Variants in PCSK5 observed in about 807,000 individuals in gnomAD.
The protein encoded by PCSK5 is proprotein convertase subtilisin/kexin type 5.
A neutral mutation model predicts 233.2 loss-of-function variants in PCSK5; 129 were observed. The observed-to-expected ratio is 0.55, with a 90% CI of 0.48 to 0.64. The LOEUF (loss-of-function observed/expected upper bound fraction) is 0.64, where lower values mean the gene tolerates loss of function less well. Ranked by LOEUF, PCSK5 falls within the 30% of genes least tolerant of loss-of-function variation. PCSK5 has a pLI of 0.00. For synonymous variants in PCSK5, 825 were observed against 879.2 expected, an observed-to-expected ratio of 0.94 and a Z score of 1.09; for missense variants, 2,076 against 2,430.1, an observed-to-expected ratio of 0.85 and a Z score of 3.06.
chr9:76,341,988 A>C (rs1470349619), intron 35 of PCSK5, among the ~76,000 whole-genome samples: 1 of 152,220 alleles, frequency 6.6e-6, no homozygotes, highest in Non-Finnish European at 1.5e-5. Context: ...GTGAGCTCAC[A>C]GTCACCATTG....
intron 1 of PCSK5, among the ~76,000 whole-genome samples, chr9:75,925,919 C>G (rs570714536): frequency 1.2e-4 from 19 of 152,310 alleles, no homozygotes; most frequent in Admixed American, 5.9e-4. Context: ...GCCTCTGTAA[C>G]TTTCTGTCTA....
At chr9:75,958,506 G>A (rs548981654) in intron 2 of PCSK5, among the ~76,000 whole-genome samples, 4 of 152,334 alleles carry the variant, frequency 2.6e-5, no homozygotes, top group Admixed American at 1.3e-4. Context: ...GTAGCTTGGA[G>A]GCAGCTTGGT....
chr9:76,143,394 G>A (rs10869709), intron 10 of PCSK5, among the ~76,000 whole-genome samples: 49,530 of 151,964 alleles, frequency 0.33, 8,572 homozygotes, highest in African/African-American at 0.42. Flanking sequence ...GAGCCGCTGC[G>A]GTGATTGAGA....
At position 76,327,410 on chromosome 9, in the gene PCSK5, G is replaced by A. The variant is rs555499931; in HGVS notation, c.4340-599G>A. Among the ~76,000 whole-genome samples, 16 of 152,170 alleles carry A rather than the reference G, an allele frequency of 1.1e-4. No homozygotes were observed. The South Asian group carries it at 1.5e-3, about 14-fold the overall frequency. ...GCGTAAGCCACTGCACCCAGCCCCC[G>A]TCTCTAGTTAAATACAGAAAAAGAA... On this transcript the variant is annotated intron_variant, in intron 32 of 37. Coordinates refer to ENST00000674117, the MANE Select transcript of PCSK5 (RefSeq NM_001372043.1).
At chr9:76,021,997 C>G (rs1828213688) in intron 3 of PCSK5, among the ~76,000 whole-genome samples, 1 of 152,226 alleles carries the variant, frequency 6.6e-6, no homozygotes, top group African/African-American at 2.4e-5. Context: ...TTTGCATTTG[C>G]TGTGTCCTCT....
At chr9:76,091,132 A>T (rs1199034981) in intron 7 of PCSK5, among the ~76,000 whole-genome samples, 3 of 152,168 alleles carry the variant, frequency 2.0e-5, no homozygotes, top group Non-Finnish European at 2.9e-5. Context: ...CTAACAAGCC[A>T]CGGATCAATT....
chr9:76,123,103 C>CA (rs924680809), intron 9 of PCSK5, among the ~76,000 whole-genome samples: 3 of 152,102 alleles, frequency 2.0e-5, no homozygotes, highest in African/African-American at 7.2e-5. Context: ...CATGGCCTCT[C>CA]AAAGTGCTGG....
intron 7 of PCSK5, among the ~76,000 whole-genome samples, chr9:76,093,601 G>A (rs1831390264): frequency 1.3e-5 from 2 of 148,276 alleles, no homozygotes; most frequent in African/African-American, 5.2e-5. Flanking sequence ...ACACACACAC[G>A]TGCTTGTACC....
At chr9:76,327,874 C>T (rs1167731531) in intron 32 of PCSK5, 135 bp from the exon 33 acceptor site, 7 of 705,482 alleles carry the variant, frequency 9.9e-6, no homozygotes, top group South Asian at 8.0e-5. Context: ...TGGCCCCACA[C>T]CATTGGCCCA....
intron 5 of PCSK5, among the ~76,000 whole-genome samples, chr9:76,060,036 C>T (rs931607322): frequency 1.3e-5 from 2 of 152,138 alleles, no homozygotes; most frequent in African/African-American, 4.8e-5. Flanking sequence ...GGTCTTTTCA[C>T]ATTTGTAGAA....
At chr9:76,157,974 T>C (rs1358611325) in intron 11 of PCSK5, among the ~76,000 whole-genome samples, 1 of 152,158 alleles carries the variant, frequency 6.6e-6, no homozygotes, top group Admixed American at 6.5e-5. Context: ...ATTTGAAAAA[T>C]GTGGAAATGG....
rs1828967209 is a variant in PCSK5, at chr9:76,038,678, GT to G, written c.632+11643del. 2.0e-5 allele frequency among the ~76,000 whole-genome samples: 3 copies of G among 152,290 alleles called. No homozygotes were observed. The South Asian group carries it at 6.2e-4, about 32-fold the overall frequency. On this transcript the variant is annotated intron_variant, in intron 5 of 37. Transcript: ENST00000674117. ...CAGTTGGAATTGAAGAGATCAAAGAGTTGGGATACTTGGCTTTGTTGAAATG... is the reference window on the plus strand; with the variant it reads ...CAGTTGGAATTGAAGAGATCAAAGAGTGGGATACTTGGCTTTGTTGAAATG...
intron 2 of PCSK5, among the ~76,000 whole-genome samples, chr9:75,966,164 G>T (rs553802745): frequency 1.3e-5 from 2 of 152,220 alleles, no homozygotes; most frequent in East Asian, 3.9e-4. Context: ...CTTTGGGTAC[G>T]TACTAACCTA....
At chr9:75,947,482 C>T (rs892850050) in intron 2 of PCSK5, among the ~76,000 whole-genome samples, 23 of 151,578 alleles carry the variant, frequency 1.5e-4, no homozygotes, top group African/African-American at 5.1e-4. Flanking sequence ...CCTAGGCTGC[C>T]ATTCCAAGAA....
intron 24 of PCSK5, among the ~76,000 whole-genome samples, chr9:76,245,711 T>C (rs184919033): frequency 2.0e-5 from 3 of 152,112 alleles, no homozygotes; most frequent in Admixed American, 2.0e-4. Flanking sequence ...ACTAATGAGG[T>C]TAAAAGTATT....
rs147342427 is a variant in PCSK5, at chr9:76,219,051, C to T, written c.2627-8452C>T. 2.2e-3 allele frequency among the ~76,000 whole-genome samples: 341 copies of T among 152,242 alleles called. 1 individual carries two copies. Among genetic ancestry groups the T allele is most frequent in the African/African-American group, 7.9e-3 (327 of 41,550 alleles). On this transcript the variant is annotated intron_variant, in intron 20 of 37. Transcript: ENST00000674117. ...TCTCTTAGACAGTGTTAATGAGAAC[C>T]GGTGAAAGACTAAACTGTCCGTTAC...
intron 2 of PCSK5, among the ~76,000 whole-genome samples, chr9:75,971,391 C>T (rs551060267): frequency 2.4e-4 from 36 of 152,296 alleles, no homozygotes; most frequent in African/African-American, 8.2e-4. Flanking sequence ...CTGCAGTGAA[C>T]ATACGCATGT....
At chr9:76,198,669 A>C (rs552278962) in intron 20 of PCSK5, among the ~76,000 whole-genome samples, 1 of 152,258 alleles carries the variant, frequency 6.6e-6, no homozygotes, top group Non-Finnish European at 1.5e-5. Context: ...CCTGGGCTTG[A>C]CTTTTTCTCA....
At position 76,351,459 on chromosome 9, in the gene PCSK5, A is replaced by G. The variant is rs1245532125; in HGVS notation, c.5067+531A>G. 6.7e-3 allele frequency among the ~76,000 whole-genome samples: 242 copies of G among 36,290 alleles called. 33 individuals are homozygous for G. Among genetic ancestry groups the G allele is most frequent in the African/African-American group, 0.021 (227 of 10,892 alleles). The allele number at this position is 36,290 out of a possible 152,430, so 23.8% of individuals were successfully genotyped here. ...AATGTGAAAGAAAGGAAAGAAAGAA[A>G]GAAAGAAAGAAAGAAAGAAAGAAAG... On this transcript the variant is annotated intron_variant, in intron 36 of 37. Coordinates refer to ENST00000674117, the MANE Select transcript of PCSK5 (RefSeq NM_001372043.1).
Sources: allele counts gnomAD v4.1 joint callset (sites outside exome capture counted in the v4.1 genomes callset), GRCh38; gene constraint gnomAD v4.1.1; transcripts MANE v1.5; gene names NCBI Gene and HGNC (gene_info 2026-07-23, HGNC 2026-07-21).